UBE2Q2: variants seen among roughly 807,000 people sequenced by gnomAD.
The protein encoded by UBE2Q2 is ubiquitin conjugating enzyme E2 Q2.
In UBE2Q2, 54 loss-of-function variants were observed where a neutral mutation model predicts 59.9. The ratio of observed to expected loss-of-function variants is 0.90; its 90% CI spans 0.72 to 1.13. The LOEUF (loss-of-function observed/expected upper bound fraction) is 1.13. UBE2Q2 is among the 50% of genes most tolerant of loss of function. The pLI, the probability that UBE2Q2 is intolerant of heterozygous loss-of-function variation, is 0.00. For synonymous variants in UBE2Q2, 165 were observed against 155.2 expected, an observed-to-expected ratio of 1.06 and a Z score of -0.47; for missense variants, 433 against 441.9, an observed-to-expected ratio of 0.98 and a Z score of 0.18.
intron 11 of UBE2Q2, among the ~76,000 whole-genome samples, chr15:75,892,860 T>A (rs1223925063): frequency 9.2e-5 from 14 of 152,188 alleles, no homozygotes; most frequent in Non-Finnish European, 2.1e-4. Context: ...ACAGTGAGAC[T>A]CTGTCTCAAA....
chr15:75,869,813 G>A (rs753636255), intron 4 of UBE2Q2, among the ~76,000 whole-genome samples: 10 of 152,142 alleles, frequency 6.6e-5, no homozygotes, highest in Non-Finnish European at 1.2e-4. Flanking sequence ...TTGAGCTTAG[G>A]CCAGTTGTCA....
intron 4 of UBE2Q2, among the ~76,000 whole-genome samples, chr15:75,869,609 C>CA (rs1275014287): frequency 6.6e-6 from 1 of 152,166 alleles, no homozygotes; most frequent in Non-Finnish European, 1.5e-5. Context: ...GGCAGAAGGG[C>CA]AGGAGAGCAA....
rs956035835 is a variant in UBE2Q2, at chr15:75,849,907, T to G, written c.181-4479T>G. Among the ~76,000 whole-genome samples, 21 of 152,330 alleles carry G rather than the reference T, an allele frequency of 1.4e-4. No individual in the cohort carries two copies. The East Asian group carries it at 4.0e-3, about 29-fold the overall frequency. Reference sequence around the variant, plus strand: ...TGAGCACCATTCACTGTTTAAAAACTGATATACCATAGGTCATATTTATTT... The same window carrying G: ...TGAGCACCATTCACTGTTTAAAAACGGATATACCATAGGTCATATTTATTT... On this transcript the variant is annotated intron_variant, in intron 1 of 12. Coordinates refer to ENST00000267938, the MANE Select transcript of UBE2Q2 (RefSeq NM_173469.4).
intron 7 of UBE2Q2, among the ~76,000 whole-genome samples, chr15:75,878,827 A>G (rs1363147683): frequency 6.6e-6 from 1 of 151,854 alleles, no homozygotes; most frequent in Non-Finnish European, 1.5e-5. Context: ...TCATGTGACT[A>G]TTTTCCTTTA....
chr15:75,885,267 G>A (rs761459967), intron 9 of UBE2Q2, among the ~76,000 whole-genome samples: 7 of 152,026 alleles, frequency 4.6e-5, no homozygotes, highest in Non-Finnish European at 7.4e-5. Flanking sequence ...ACAGGCGTGC[G>A]CCACCATGTC....
intron 2 of UBE2Q2, among the ~76,000 whole-genome samples, chr15:75,859,522 AT>A (rs1897103724): frequency 1.3e-5 from 2 of 151,858 alleles, no homozygotes; most frequent in African/African-American, 4.8e-5. Flanking sequence ...TTTTGTTTTT[AT>A]TTTTTTGGTA....
chr15:75,861,451 T>G (rs892591573), intron 3 of UBE2Q2, among the ~76,000 whole-genome samples: 1 of 152,128 alleles, frequency 6.6e-6, no homozygotes, highest in African/African-American at 2.4e-5. Context: ...GTGTGGGTCT[T>G]TTTTCACTCA....
intron 1 of UBE2Q2, among the ~76,000 whole-genome samples, chr15:75,845,305 G>A (rs905602213): frequency 6.6e-6 from 1 of 152,228 alleles, no homozygotes; most frequent in Non-Finnish European, 1.5e-5. Flanking sequence ...AAGACACGGA[G>A]ATTTGAGAAA....
At chr15:75,871,415 C>T (rs1008706440) in intron 4 of UBE2Q2, among the ~76,000 whole-genome samples, 1 of 152,166 alleles carries the variant, frequency 6.6e-6, no homozygotes, top group South Asian at 2.1e-4. Context: ...GGGTGTCAGG[C>T]TGGGGGACGG....
intron 8 of UBE2Q2, among the ~76,000 whole-genome samples, chr15:75,879,712 G>C (rs918731731): frequency 1.3e-5 from 2 of 152,050 alleles, no homozygotes; most frequent in African/African-American, 4.8e-5. Flanking sequence ...ACAGATATAC[G>C]ATTTATCTAT....
intron 4 of UBE2Q2, among the ~76,000 whole-genome samples, chr15:75,870,838 A>G (rs972127400): frequency 1.1e-4 from 16 of 152,126 alleles, no homozygotes; most frequent in Admixed American, 9.2e-4. Context: ...GTGTGTTTCT[A>G]TTTGGTGTGA....
chr15:75,845,035 C>G (rs759880883), intron 1 of UBE2Q2, among the ~76,000 whole-genome samples: 1 of 151,924 alleles, frequency 6.6e-6, no homozygotes, highest in Non-Finnish European at 1.5e-5. Context: ...TCTGAGTGTT[C>G]TGGGCACTAG....
chr15:75,864,401 A>AG (rs1231353486), intron 3 of UBE2Q2, among the ~76,000 whole-genome samples: 1 of 152,068 alleles, frequency 6.6e-6, no homozygotes, highest in East Asian at 1.9e-4. Context: ...TCTTAGGTAG[A>AG]GGGGATGTCA....
rs577443790 is a variant in UBE2Q2, at chr15:75,892,708, C to T, written c.1029+1694C>T. 3.1e-3 allele frequency among the ~76,000 whole-genome samples: 475 copies of T among 151,936 alleles called. 19 individuals are homozygous for T. In the East Asian group the frequency reaches 0.088, roughly 28 times the overall value. ...GAACTCGTCTACACAAAAAATACGCCCCCCACCCTAAAAAAACAATTAGCT... is the reference window on the plus strand; with the variant it reads ...GAACTCGTCTACACAAAAAATACGCTCCCCACCCTAAAAAAACAATTAGCT... On this transcript the variant is annotated intron_variant, in intron 11 of 12. Coordinates refer to ENST00000267938, the MANE Select transcript of UBE2Q2 (RefSeq NM_173469.4).
chr15:75,896,975 A>G lies in UBE2Q2; in HGVS notation c.1030-20A>G, dbSNP rs772257924. On this transcript the variant is annotated intron_variant, in intron 11 of 12. Transcript: ENST00000267938. ...TCACCTAATTACACTTTTGATTTAAAATGTGTAATTCTCTTTCAGAATCAA... is the reference window on the plus strand; with the variant it reads ...TCACCTAATTACACTTTTGATTTAAGATGTGTAATTCTCTTTCAGAATCAA... 1.7e-5 allele frequency: 26 copies of G among 1,495,548 alleles called. No homozygotes were observed. The highest frequency in any genetic ancestry group is 9.2e-7 in the Non-Finnish European group (1 of 1,091,844). 92.6% of individuals were successfully genotyped at this position (1,495,548 alleles called of 1,614,324 possible). A position where few individuals can be genotyped will look rare whatever the true frequency, so the allele number is the denominator to read the frequency against.
intron 2 of UBE2Q2, among the ~76,000 whole-genome samples, chr15:75,857,927 A>G (rs111527432): frequency 0.012 from 1,798 of 152,282 alleles, 30 homozygotes; most frequent in African/African-American, 0.041. Flanking sequence ...TGGTGGGTAC[A>G]GGAAACTGTC....
rs1447072448 is a variant in UBE2Q2 at position 75,843,561 on chromosome 15, G to C, written c.-106G>C. 2.2e-6 allele frequency: 2 copies of C among 916,960 alleles called. No individual in the cohort carries two copies. Among genetic ancestry groups the C allele is most frequent in the Admixed American group, 4.6e-5 (1 of 21,772 alleles). The allele number at this position is 916,960 out of a possible 1,614,324, so 56.8% of individuals were successfully genotyped here. On this transcript the variant is annotated 5_prime_UTR_variant, in exon 1 of 13. Coordinates refer to ENST00000267938, the MANE Select transcript of UBE2Q2 (RefSeq NM_173469.4). ...GGCGGAGCCGCGAGAGCGCGGCCCA[G>C]GCCGGCCCCGCGGGGCGGTCGCGGC...
rs554124312 is a variant in UBE2Q2 at position 75,877,899 on chromosome 15, A to G, written c.674-62A>G. 26 of 1,503,344 alleles carry G rather than the reference A, an allele frequency of 1.7e-5. 2 individuals carry two copies. In the South Asian group the frequency reaches 2.5e-4, roughly 14 times the overall value. The allele number at this position is 1,503,344 out of a possible 1,614,324, so 93.1% of individuals were successfully genotyped here. A position where few individuals can be genotyped will look rare whatever the true frequency, so the allele number is the denominator to read the frequency against. On this transcript the variant is annotated intron_variant, in intron 6 of 12. Transcript: ENST00000267938. The stretch of plus-strand genomic sequence containing the variant: ...CGTTGGCTATTTAGTGTATACATTT[A>G]TACCATAGTAATAGTTATATGATGA...
At chr15:75,865,807 T>G (rs912731287) in intron 3 of UBE2Q2, among the ~76,000 whole-genome samples, 13 of 151,688 alleles carry the variant, frequency 8.6e-5, no homozygotes, top group African/African-American at 1.5e-4. Context: ...TCTGGTTGTT[T>G]TTTTTTTTTT....
Sources: gnomAD v4.1 joint callset for allele counts (sites outside exome capture counted in the v4.1 genomes callset) on GRCh38, gnomAD v4.1.1 for gene constraint, MANE v1.5 for transcripts, NCBI Gene and HGNC (gene_info 2026-07-23, HGNC 2026-07-21) for gene names.